The following LRP1B variants were observed in gnomAD, a reference collection of about 807,000 sequenced individuals.
LRP1B encodes low-density lipoprotein receptor-related protein 1B.
LRP1B carries 217 observed loss-of-function variants against 556.6 expected under a neutral mutation model. The observed-to-expected ratio is 0.39, with a 90% CI of 0.35 to 0.44. The LOEUF (loss-of-function observed/expected upper bound fraction) is 0.44. Among genes scored for constraint, LRP1B ranks in the 20% least tolerant of loss-of-function variants. The pLI is 1.00. For missense variants in LRP1B, 5,053 were observed against 5,620.8 expected (o/e 0.90, Z 3.23); for synonymous variants, 2,047 against 1,865.8 (o/e 1.10, Z -2.50).
intron 31 of LRP1B, among the ~76,000 whole-genome samples, chr2:140,829,979 A>C (rs1193941255): frequency 1.3e-5 from 2 of 152,066 alleles, no homozygotes; most frequent in African/African-American, 4.8e-5. Context: ...ATTACGAACA[A>C]CTAAACACTA....
chr2:141,253,650 A>G (rs1410008660), intron 4 of LRP1B, among the ~76,000 whole-genome samples: 1 of 152,044 alleles, frequency 6.6e-6, no homozygotes, highest in Non-Finnish European at 1.5e-5. Flanking sequence ...TTCAAATTTA[A>G]GATTCTAAGG....
At chr2:141,466,383 A>G (rs1184716555) in intron 3 of LRP1B, among the ~76,000 whole-genome samples, 1 of 152,202 alleles carries the variant, frequency 6.6e-6, no homozygotes, top group East Asian at 1.9e-4. Context: ...CTGCTCTATT[A>G]AAACATGTAT....
intron 7 of LRP1B, among the ~76,000 whole-genome samples, chr2:141,109,710 GA>G (rs1280992374): frequency 6.6e-6 from 1 of 151,186 alleles, no homozygotes; most frequent in African/African-American, 2.4e-5. Flanking sequence ...CAAAAGATCA[GA>G]AAAAAAGGAA....
intron 3 of LRP1B, among the ~76,000 whole-genome samples, chr2:141,293,366 G>A (rs1247120567): frequency 1.3e-5 from 2 of 152,232 alleles, no homozygotes; most frequent in East Asian, 3.9e-4. Flanking sequence ...ATAATTATGT[G>A]GTTTAGGGTA....
At chr2:141,462,963 ACTT>A (rs5834830) in intron 3 of LRP1B, among the ~76,000 whole-genome samples, 59,497 of 151,810 alleles carry the variant, frequency 0.39, 11,792 homozygotes, top group Non-Finnish European at 0.42. Context: ...AAAGAGGAAA[ACTT>A]CTGACAATTT....
intron 43 of LRP1B, among the ~76,000 whole-genome samples, chr2:140,591,799 G>T (rs568036227): frequency 6.6e-6 from 1 of 152,208 alleles, no homozygotes; most frequent in African/African-American, 2.4e-5. Flanking sequence ...ATATACATAA[G>T]TATTTCAGGA....
chr2:140,915,967 G>A (rs976218761), intron 21 of LRP1B, among the ~76,000 whole-genome samples: 4 of 151,960 alleles, frequency 2.6e-5, no homozygotes, highest in Non-Finnish European at 5.9e-5. Flanking sequence ...GACAGAGTTT[G>A]CAGTGAGCCG....
chr2:141,114,447 G>A (rs939451914), intron 7 of LRP1B, among the ~76,000 whole-genome samples: 1 of 152,234 alleles, frequency 6.6e-6, no homozygotes, highest in East Asian at 1.9e-4. Flanking sequence ...AGGGAAGCTG[G>A]AAAGGGGATG....
chr2:140,988,957 C>T (rs1235971521), intron 17 of LRP1B, among the ~76,000 whole-genome samples: 1 of 151,940 alleles, frequency 6.6e-6, no homozygotes, highest in Non-Finnish European at 1.5e-5. Context: ...GTAAACTATA[C>T]CACAAGCTGT....
chr2:141,491,961 T>C (rs763893158), intron 2 of LRP1B, among the ~76,000 whole-genome samples: 1 of 151,836 alleles, frequency 6.6e-6, no homozygotes, highest in Non-Finnish European at 1.5e-5. Flanking sequence ...CATGCTAATG[T>C]CAGCTGGTTA....
At chr2:140,415,643 G>A (rs72898247) in intron 66 of LRP1B, among the ~76,000 whole-genome samples, 19,670 of 152,150 alleles carry the variant, frequency 0.13, 1,940 homozygotes, top group African/African-American at 0.27. Context: ...ACCAAAGAAC[G>A]GAAGTGGAAT....
In LRP1B at chr2:141,477,079, C is replaced by A. The variant is rs7340300; in HGVS notation, c.343+3317G>T. Among the ~76,000 whole-genome samples, 598 of 151,722 alleles carry A rather than the reference C, an allele frequency of 3.9e-3. 10 individuals are homozygous for A. Among genetic ancestry groups the A allele is most frequent in the African/African-American group, 0.013 (531 of 41,326 alleles). ...CAGAGGTCATGGTGAGCCGAGATAG[C>A]GCCATTGCACTCCAGCCTGGGCAAA... On this transcript the variant is annotated intron_variant, in intron 3 of 90. Transcript: ENST00000389484.
chr2:140,347,146 A>G (rs1681725754), intron 77 of LRP1B, among the ~76,000 whole-genome samples: 1 of 152,020 alleles, frequency 6.6e-6, no homozygotes, highest in South Asian at 2.1e-4. Flanking sequence ...CATACTAAAA[A>G]TGATAAATTG....
rs751444241 is a variant in LRP1B, at chr2:140,233,286, A to G, written c.13700T>C (p.Met4567Thr). ...YSNPVYAKLY[M>T]DGQNCRNSLG... ...GGAGTTTCGACAGTTTTGCCCATCC[A>G]TATATAATTTTGCATATACCGGATT... The change falls in exon 91 of 91, where the codon ATG becomes ACG. Residue 4567 changes from methionine to threonine, a missense_variant. By Grantham distance (81) the Met-to-Thr change is moderately conservative. This residue lies in a region of LRP1B where 551 missense variants were observed against 592.0 expected (regional missense o/e 0.93). Coordinates refer to ENST00000389484, the MANE Select transcript of LRP1B (RefSeq NM_018557.3). 1.9e-6 allele frequency: 3 copies of G among 1,604,794 alleles called. No individual in the cohort carries two copies. Among genetic ancestry groups the G allele is most frequent in the African/African-American group, 1.3e-5 (1 of 74,432 alleles).
At chr2:140,446,784 T>C (rs1173924065) in intron 63 of LRP1B, among the ~76,000 whole-genome samples, 1 of 151,926 alleles carries the variant, frequency 6.6e-6, no homozygotes, top group East Asian at 1.9e-4. Flanking sequence ...TGTTTGGATA[T>C]GACTCCAAAA....
intron 45 of LRP1B, among the ~76,000 whole-genome samples, chr2:140,538,751 T>C (rs1680024420): frequency 6.6e-6 from 1 of 152,126 alleles, no homozygotes; most frequent in Non-Finnish European, 1.5e-5. Context: ...TTCTTGAAAG[T>C]CTATTGAGAT....
chr2:140,464,801 T>C (rs900772950), intron 60 of LRP1B, among the ~76,000 whole-genome samples: 2 of 152,184 alleles, frequency 1.3e-5, no homozygotes, highest in African/African-American at 4.8e-5. Flanking sequence ...TTAGAGAGTC[T>C]TAATAAAAAC....
At chr2:141,060,945 C>T (rs1699317254) in intron 8 of LRP1B, among the ~76,000 whole-genome samples, 1 of 151,876 alleles carries the variant, frequency 6.6e-6, no homozygotes, top group Non-Finnish European at 1.5e-5. Context: ...ATAAACACTT[C>T]AGGCTTTCAA....
At chr2:141,376,621 A>T (rs191048917) in intron 3 of LRP1B, among the ~76,000 whole-genome samples, 11 of 152,346 alleles carry the variant, frequency 7.2e-5, no homozygotes, top group Non-Finnish European at 1.5e-4. Flanking sequence ...TAAAATATGC[A>T]TGAAAATTTT....
Sources: gnomAD v4.1 joint callset for allele counts (sites outside exome capture counted in the v4.1 genomes callset) on GRCh38, gnomAD v4.1.1 for gene constraint, gnomAD v4.1.1 regional missense constraint, MANE v1.5 for transcripts, NCBI Gene and HGNC (gene_info 2026-07-23, HGNC 2026-07-21) for gene names.